Variants in AGPAT3 observed in about 807,000 individuals in gnomAD.
AGPAT3 encodes 1-acylglycerol-3-phosphate O-acyltransferase 3, also known as 1-acyl-sn-glycerol-3-phosphate acyltransferase gamma.
Under a neutral mutation model 47.3 loss-of-function variants are expected in AGPAT3, and 5 were observed. The observed-to-expected ratio is 0.11, with a 90% CI of 0.06 to 0.22. AGPAT3 has a LOEUF of 0.22. AGPAT3 is among the 10% of genes least tolerant of loss of function. The pLI, the probability that AGPAT3 is intolerant of heterozygous loss-of-function variation, is 1.00. For missense variants in AGPAT3, 315 were observed against 493.0 expected (o/e 0.64, Z 3.42); for synonymous variants, 212 against 208.3 (o/e 1.02, Z -0.15).
chr21:43,931,217 C>T (rs2087230238), intron 2 of AGPAT3, among the ~76,000 whole-genome samples: 2 of 152,178 alleles, frequency 1.3e-5, no homozygotes, highest in South Asian at 2.1e-4. Context: ...GGACCTCCCA[C>T]GTTCCCCGCA....
chr21:43,949,589 T>C (rs1033625450), intron 2 of AGPAT3, among the ~76,000 whole-genome samples: 23 of 152,178 alleles, frequency 1.5e-4, no homozygotes, highest in Non-Finnish European at 2.9e-4. Context: ...TTCAAAAGGG[T>C]GGGGAGTAGA....
At position 43,970,144 on chromosome 21, in the gene AGPAT3, A is replaced by G. The variant is rs1354125626; in HGVS notation, c.511-509A>G. Among the ~76,000 whole-genome samples, 1 of 150,506 alleles carries G rather than the reference A, an allele frequency of 6.6e-6. No individual in the cohort carries two copies. The highest frequency in any genetic ancestry group is 1.5e-5 in the Non-Finnish European group (1 of 67,770). ...CTCTCTCAGCCTCCAAGTTGCTGGG[A>G]TTACAGGCACTCACCACCACGACTG... On this transcript the variant is annotated intron_variant, in intron 5 of 9. Coordinates refer to ENST00000291572, the MANE Select transcript of AGPAT3 (RefSeq NM_020132.5). The surrounding 1 kb of genome is among the most constrained non-coding windows in gnomAD (Gnocchi z 5.8).
intron 2 of AGPAT3, among the ~76,000 whole-genome samples, chr21:43,942,168 G>A (rs991426122): frequency 6.6e-6 from 1 of 152,238 alleles, no homozygotes; most frequent in Non-Finnish European, 1.5e-5. Flanking sequence ...GGGAGCTTCC[G>A]GAACCTGTGG....
At position 43,932,897 on chromosome 21, in the gene AGPAT3, G is replaced by A. The variant is rs922649881; in HGVS notation, c.-48-26737G>A. Among the ~76,000 whole-genome samples the A allele has an allele frequency of 3.9e-5, 6 of 152,122 alleles. No homozygotes were observed. The highest frequency in any genetic ancestry group is 2.1e-4 in the South Asian group (1 of 4,826). ...ACTCCTGACCTCAAGTGATCCACCC[G>A]CCTTGGCCTCCCAAAGTGCTGGGAT... On this transcript the variant is annotated intron_variant, in intron 2 of 9. Transcript: ENST00000291572. This position sits in a 1 kb window ranked among gnomAD's most constrained non-coding sequence, Gnocchi z 5.2.
At chr21:43,872,788 T>C (rs530903636) in intron 1 of AGPAT3, among the ~76,000 whole-genome samples, 2 of 152,358 alleles carry the variant, frequency 1.3e-5, no homozygotes, top group African/African-American at 4.8e-5. Context: ...GAAATGCTTC[T>C]ACCATGCTGC....
intron 1 of AGPAT3, among the ~76,000 whole-genome samples, chr21:43,890,791 G>A (rs2086086745): frequency 6.6e-6 from 1 of 150,500 alleles, no homozygotes; most frequent in African/African-American, 2.4e-5. Flanking sequence ...AGGCTGGAGT[G>A]CAGTGGCACA....
chr21:43,907,174 G>A (rs1001293205), intron 2 of AGPAT3, among the ~76,000 whole-genome samples: 3 of 151,770 alleles, frequency 2.0e-5, no homozygotes, highest in Non-Finnish European at 2.9e-5. Flanking sequence ...CTGGGACCAC[G>A]GGCATGGGCC....
rs1300916104 is a variant in AGPAT3, at chr21:43,920,771, T to C, written c.-49+16752T>C. On this transcript the variant is annotated intron_variant, in intron 2 of 9. Coordinates refer to ENST00000291572, the MANE Select transcript of AGPAT3 (RefSeq NM_020132.5). This position sits in a 1 kb window ranked among gnomAD's most constrained non-coding sequence, Gnocchi z 6.1. ...GAGGGTACAGCAGCTCCGAGCTCCC[T>C]GCCCCATACCTCACCCTGTGCATCT... Among the ~76,000 whole-genome samples, 3 of 152,168 alleles carry C rather than the reference T, an allele frequency of 2.0e-5. No homozygotes were observed. Among genetic ancestry groups the C allele is most frequent in the African/African-American group, 7.2e-5 (3 of 41,434 alleles).
At chr21:43,944,068 G>A (rs908297949) in intron 2 of AGPAT3, among the ~76,000 whole-genome samples, 2 of 152,312 alleles carry the variant, frequency 1.3e-5, no homozygotes, top group South Asian at 4.1e-4. Flanking sequence ...CACTTCAGGC[G>A]CCGCCTCTCT....
At chr21:43,909,497 C>T (rs1188746118) in intron 2 of AGPAT3, among the ~76,000 whole-genome samples, 5 of 152,074 alleles carry the variant, frequency 3.3e-5, no homozygotes, top group Non-Finnish European at 4.4e-5. Context: ...GGGGTTTCAC[C>T]GTGTTAGCCA....
chr21:43,877,208 C>T (rs1320756379), intron 1 of AGPAT3, among the ~76,000 whole-genome samples: 1 of 152,154 alleles, frequency 6.6e-6, no homozygotes, highest in Non-Finnish European at 1.5e-5. Context: ...TCCTTATAAA[C>T]TTAACCTTTT....
chr21:43,946,644 T>C (rs1051565810), intron 2 of AGPAT3, among the ~76,000 whole-genome samples: 2 of 151,908 alleles, frequency 1.3e-5, no homozygotes, highest in Non-Finnish European at 2.9e-5. Context: ...ACCAGTTTAA[T>C]GAATAAGTAT....
rs908242574 is a variant in AGPAT3 at position 43,970,019 on chromosome 21, T to TG, written c.511-634_511-633insG. Among the ~76,000 whole-genome samples the TG allele has an allele frequency of 5.3e-5, 8 of 150,900 alleles. No homozygotes were observed. Among genetic ancestry groups the TG allele is most frequent in the African/African-American group, 2.0e-4 (8 of 40,726 alleles). On this transcript the variant is annotated intron_variant, in intron 5 of 9. Transcript: ENST00000291572. This position sits in a 1 kb window ranked among gnomAD's most constrained non-coding sequence, Gnocchi z 5.8. Reference sequence around the variant, plus strand: ...AGCCTGCTGTTAGCATTTCTTTTTTTTTGTTTTGAGACAGAGCCTTAGTCT... The same window carrying TG: ...AGCCTGCTGTTAGCATTTCTTTTTTTGTTGTTTTGAGACAGAGCCTTAGTCT...
intron 2 of AGPAT3, chr21:43,916,441 C>T (rs934722347): frequency 6.6e-6 from 1 of 151,974 alleles, no homozygotes; most frequent in Admixed American, 6.6e-5. Flanking sequence ...TATCGAATGA[C>T]TATATCTGCT....
chr21:43,977,495 C>T (rs1157934709), intron 7 of AGPAT3, among the ~76,000 whole-genome samples: 1 of 152,240 alleles, frequency 6.6e-6, no homozygotes, highest in African/African-American at 2.4e-5. Context: ...CAGAAGGCCA[C>T]ATCCTGGCCT....
At chr21:43,876,438 G>A (rs2085735102) in intron 1 of AGPAT3, among the ~76,000 whole-genome samples, 1 of 152,218 alleles carries the variant, frequency 6.6e-6, no homozygotes, top group Non-Finnish European at 1.5e-5. Flanking sequence ...GGCTTGAAGG[G>A]AGCAAAGCCT....
chr21:43,884,407 G>A (rs1425925651), intron 1 of AGPAT3, among the ~76,000 whole-genome samples: 1 of 152,132 alleles, frequency 6.6e-6, no homozygotes, highest in African/African-American at 2.4e-5. Context: ...CTTCGACCTC[G>A]TCCCTGTTTT....
At chr21:43,877,941 C>G (rs373248549) in intron 1 of AGPAT3, among the ~76,000 whole-genome samples, 1 of 152,050 alleles carries the variant, frequency 6.6e-6, no homozygotes, top group Non-Finnish European at 1.5e-5. Flanking sequence ...TTGACCCTCA[C>G]GATTCCCCTT....
At position 43,982,604 on chromosome 21, in the gene AGPAT3, C is replaced by T. The variant is rs143221406; in HGVS notation, c.*212C>T. 19 of 417,720 alleles carry T rather than the reference C, an allele frequency of 4.5e-5. No homozygotes were observed. The highest frequency in any genetic ancestry group is 4.3e-4 in the East Asian group (9 of 20,854). 25.9% of individuals were successfully genotyped at this position (417,720 alleles called of 1,614,324 possible). On this transcript the variant is annotated 3_prime_UTR_variant, in exon 10 of 10. Coordinates refer to ENST00000291572, the MANE Select transcript of AGPAT3 (RefSeq NM_020132.5). This position sits in a 1 kb window ranked among gnomAD's most constrained non-coding sequence, Gnocchi z 6.2. The stretch of plus-strand genomic sequence containing the variant: ...ACAGCGCAGGGTCCCAGCATCTCCA[C>T]GCGCGCCCGTGGGAGGTGGGTCCGG...
Sources: gnomAD v4.1 joint callset for allele counts (sites outside exome capture counted in the v4.1 genomes callset) on GRCh38, gnomAD v4.1.1 for gene constraint, Gnocchi (gnomAD v3.1) non-coding constraint, MANE v1.5 for transcripts, NCBI Gene and HGNC (gene_info 2026-07-23, HGNC 2026-07-21) for gene names.